CDKAL1: variants seen among roughly 807,000 people sequenced by gnomAD.
The protein encoded by CDKAL1 is CDKAL1 threonylcarbamoyladenosine tRNA methylthiotransferase.
Under a neutral mutation model 68.2 loss-of-function variants are expected in CDKAL1, and 32 were observed. The observed-to-expected ratio is 0.47, with a 90% CI of 0.35 to 0.63. The LOEUF (loss-of-function observed/expected upper bound fraction) is 0.63, where lower values mean the gene tolerates loss of function less well. Ranked by LOEUF, CDKAL1 falls within the 30% of genes least tolerant of loss-of-function variation. CDKAL1 has a pLI of 0.00. For missense variants in CDKAL1, 606 were observed against 696.7 expected (o/e 0.87, Z 1.47); for synonymous variants, 234 against 244.3 (o/e 0.96, Z 0.39).
In CDKAL1 at chr6:20,884,104, G is replaced by T. The variant is rs144890015; in HGVS notation, c.742+37926G>T. On this transcript the variant is annotated intron_variant, in intron 9 of 15. Transcript: ENST00000274695. ...ATCAAATTCAACAGCATATTAAAAGGATTTTACACCCATCATCAAGTGGGA... is the reference window on the plus strand; with the variant it reads ...ATCAAATTCAACAGCATATTAAAAGTATTTTACACCCATCATCAAGTGGGA... Among the ~76,000 whole-genome samples, 352 of 152,210 alleles carry T rather than the reference G, an allele frequency of 2.3e-3. 1 individual carries two copies. Among genetic ancestry groups the T allele is most frequent in the African/African-American group, 7.9e-3 (327 of 41,540 alleles).
At chr6:20,547,893 C>T (rs1387134429) in intron 3 of CDKAL1, among the ~76,000 whole-genome samples, 1 of 152,146 alleles carries the variant, frequency 6.6e-6, no homozygotes, top group East Asian at 1.9e-4. Flanking sequence ...CAGATTGCAA[C>T]TAGTATGTAG....
At chr6:21,149,536 T>C (rs1284979224) in intron 13 of CDKAL1, among the ~76,000 whole-genome samples, 3 of 152,222 alleles carry the variant, frequency 2.0e-5, no homozygotes, top group Non-Finnish European at 4.4e-5. Flanking sequence ...CAATGATTTG[T>C]AGGTAGTGGT....
intron 5 of CDKAL1, among the ~76,000 whole-genome samples, chr6:20,712,400 A>G (rs183586116): frequency 4.6e-5 from 7 of 152,114 alleles, no homozygotes; most frequent in African/African-American, 7.2e-5. Flanking sequence ...TTCTGTATCT[A>G]TAAGAGCACA....
chr6:20,941,045 C>A lies in CDKAL1; in HGVS notation c.743-14374C>A, dbSNP rs143782202. 3.9e-3 allele frequency among the ~76,000 whole-genome samples: 599 copies of A among 151,934 alleles called. 7 individuals carry two copies. The highest frequency in any genetic ancestry group is 0.013 in the African/African-American group (551 of 41,418). On this transcript the variant is annotated intron_variant, in intron 9 of 15. Coordinates refer to ENST00000274695, the MANE Select transcript of CDKAL1 (RefSeq NM_017774.3). Reference sequence around the variant, plus strand: ...GAGCTTGCAGTGAGCCAAGAATGCGCCACTGCACTCTAGCCTGGGCGACAG... The same window carrying A: ...GAGCTTGCAGTGAGCCAAGAATGCGACACTGCACTCTAGCCTGGGCGACAG...
intron 8 of CDKAL1, among the ~76,000 whole-genome samples, chr6:20,785,944 G>A (rs1450688019): frequency 6.6e-6 from 1 of 152,196 alleles, no homozygotes; most frequent in African/African-American, 2.4e-5. Flanking sequence ...AGTATGGCTA[G>A]GTGCAGTGGA....
intron 13 of CDKAL1, among the ~76,000 whole-genome samples, chr6:21,194,935 A>G (rs986600443): frequency 6.6e-6 from 1 of 152,046 alleles, no homozygotes; most frequent in Non-Finnish European, 1.5e-5. Flanking sequence ...GGAAGCATTT[A>G]TTATTTTTTG....
At chr6:21,091,965 C>T (rs1411165002) in intron 12 of CDKAL1, among the ~76,000 whole-genome samples, 4 of 146,010 alleles carry the variant, frequency 2.7e-5, no homozygotes, top group Non-Finnish European at 6.0e-5. Flanking sequence ...CGGCTCACTG[C>T]AAGCTCCGCC....
chr6:20,796,637 C>T (rs1202744094), intron 8 of CDKAL1, among the ~76,000 whole-genome samples: 1 of 152,194 alleles, frequency 6.6e-6, no homozygotes, highest in Non-Finnish European at 1.5e-5. Flanking sequence ...GGGATAGACA[C>T]ATTAAATCAC....
At position 21,206,667 on chromosome 6, in the gene CDKAL1, T is replaced by A. The variant is rs145516388; in HGVS notation, c.1548+5393T>A. 1.7e-3 allele frequency among the ~76,000 whole-genome samples: 264 copies of A among 152,300 alleles called. 2 individuals are homozygous for A. Among genetic ancestry groups the A allele is most frequent in the African/African-American group, 6.1e-3 (254 of 41,564 alleles). On this transcript the variant is annotated intron_variant, in intron 15 of 15. Coordinates refer to ENST00000274695, the MANE Select transcript of CDKAL1 (RefSeq NM_017774.3). Reference sequence around the variant, plus strand: ...GAAGTAGAGTAGCATCGTGGAAGATTGAAAGGATCTGGAGTCTGTCAGGTT... The same window carrying A: ...GAAGTAGAGTAGCATCGTGGAAGATAGAAAGGATCTGGAGTCTGTCAGGTT...
intron 8 of CDKAL1, among the ~76,000 whole-genome samples, chr6:20,786,399 G>A (rs1264180623): frequency 6.6e-6 from 1 of 151,948 alleles, no homozygotes; most frequent in East Asian, 1.9e-4. Context: ...GTATCATAGG[G>A]AGTCAACATG....
At chr6:21,152,223 T>C (rs1282201178) in intron 13 of CDKAL1, among the ~76,000 whole-genome samples, 2 of 152,166 alleles carry the variant, frequency 1.3e-5, no homozygotes, top group Admixed American at 1.3e-4. Context: ...CTCAATCAGA[T>C]CCCTTCAGCC....
rs139303545 is a variant in CDKAL1, at chr6:21,126,675, T to A, written c.1299+18212T>A. 6.6e-3 allele frequency among the ~76,000 whole-genome samples: 1,003 copies of A among 152,304 alleles called. 10 individuals are homozygous for A. Among genetic ancestry groups the A allele is most frequent in the African/African-American group, 0.023 (956 of 41,574 alleles). On this transcript the variant is annotated intron_variant, in intron 13 of 15. Coordinates refer to ENST00000274695, the MANE Select transcript of CDKAL1 (RefSeq NM_017774.3). Reference sequence around the variant, plus strand: ...GCAGACGTGAGCTTGCCATTTTGAATTTCTAGTTTTACCTATGTTATGCTT... The same window carrying A: ...GCAGACGTGAGCTTGCCATTTTGAAATTCTAGTTTTACCTATGTTATGCTT...
intron 10 of CDKAL1, among the ~76,000 whole-genome samples, chr6:20,969,517 C>T (rs750363756): frequency 6.6e-6 from 1 of 152,138 alleles, no homozygotes; most frequent in Non-Finnish European, 1.5e-5. Context: ...GCACACAGTA[C>T]AAACCCGTGT....
intron 4 of CDKAL1, among the ~76,000 whole-genome samples, chr6:20,576,971 A>T (rs1177595869): frequency 6.6e-6 from 1 of 152,178 alleles, no homozygotes; most frequent in African/African-American, 2.4e-5. Flanking sequence ...TGTTCTCCAT[A>T]CCCATTTTGT....
intron 15 of CDKAL1, among the ~76,000 whole-genome samples, chr6:21,221,254 G>A (rs961554716): frequency 6.6e-6 from 1 of 151,970 alleles, no homozygotes; most frequent in African/African-American, 2.4e-5. Context: ...GGGGAAACAA[G>A]GTCTTTCTCT....
intron 15 of CDKAL1, among the ~76,000 whole-genome samples, chr6:21,219,712 A>T (rs1779466730): frequency 1.3e-5 from 2 of 152,234 alleles, no homozygotes; most frequent in African/African-American, 4.8e-5. Context: ...TAAGAACAGG[A>T]TGAGAGGGTT....
At chr6:20,630,361 C>T (rs1296789846) in intron 4 of CDKAL1, among the ~76,000 whole-genome samples, 1 of 152,136 alleles carries the variant, frequency 6.6e-6, no homozygotes, top group Non-Finnish European at 1.5e-5. Context: ...TGCTCTCTGC[C>T]TTCCCCCAGC....
intron 10 of CDKAL1, among the ~76,000 whole-genome samples, chr6:20,975,517 C>G (rs1227272738): frequency 6.6e-6 from 1 of 152,146 alleles, no homozygotes; most frequent in Non-Finnish European, 1.5e-5. Context: ...CATTCGATGT[C>G]TTTGCATACA....
At chr6:21,225,491 C>T (rs112503928) in intron 15 of CDKAL1, among the ~76,000 whole-genome samples, 14 of 152,076 alleles carry the variant, frequency 9.2e-5, no homozygotes, top group African/African-American at 3.4e-4. Context: ...AAGCTACACT[C>T]CTGTGACGTC....
Sources: allele counts gnomAD v4.1 joint callset (sites outside exome capture counted in the v4.1 genomes callset), GRCh38; gene constraint gnomAD v4.1.1; transcripts MANE v1.5; gene names NCBI Gene and HGNC (gene_info 2026-07-23, HGNC 2026-07-21).